TAS2R1: variants seen among roughly 807,000 people sequenced by gnomAD.
The protein encoded by TAS2R1 is taste 2 receptor member 1.
For synonymous variants in TAS2R1, 141 were observed against 134.2 expected (o/e 1.05, Z -0.35); for missense variants, 370 against 353.4 (o/e 1.05, Z -0.38).
chr5:9,646,296 A>T (rs761171012), intron 2 of TAS2R1, among the ~76,000 whole-genome samples: 7 of 152,200 alleles, frequency 4.6e-5, no homozygotes, highest in Non-Finnish European at 5.9e-5. Flanking sequence ...GCTATAGAAG[A>T]GTTCTCAAAG....
the TAS2R1 span, among the ~76,000 whole-genome samples, chr5:9,734,532 T>C: frequency 1.3e-5 from 2 of 152,016 alleles, no homozygotes; most frequent in Non-Finnish European, 2.9e-5. Context: ...TGTGAGAAAA[T>C]AGATCAGAGA....
chr5:9,744,107 T>C, the TAS2R1 span, among the ~76,000 whole-genome samples: 4 of 152,142 alleles, frequency 2.6e-5, no homozygotes, highest in Non-Finnish European at 5.9e-5. Flanking sequence ...GGGTGATCTC[T>C]TCCTTTCCCC....
the TAS2R1 span, among the ~76,000 whole-genome samples, chr5:9,728,290 G>A: frequency 6.6e-6 from 1 of 152,118 alleles, no homozygotes; most frequent in Non-Finnish European, 1.5e-5. Context: ...CACAAATGAA[G>A]ATGCAATATA....
At chr5:9,679,417 A>C (rs535136342) in intron 1 of TAS2R1, among the ~76,000 whole-genome samples, 38 of 152,330 alleles carry the variant, frequency 2.5e-4, no homozygotes, top group African/African-American at 8.9e-4. Flanking sequence ...CAGAGAATCT[A>C]ACTGTACTAT....
the TAS2R1 span, among the ~76,000 whole-genome samples, chr5:9,798,665 CA>C: frequency 3.9e-5 from 6 of 152,294 alleles, 1 homozygote; most frequent in African/African-American, 1.4e-4. Context: ...CACATTTCAA[CA>C]GGAAGAGCAG....
At chr5:9,837,342 A>T in the TAS2R1 span, among the ~76,000 whole-genome samples, 4 of 152,208 alleles carry the variant, frequency 2.6e-5, no homozygotes, top group Admixed American at 1.3e-4. Flanking sequence ...CAGAGGCCAC[A>T]TGGCAGCCCT....
the TAS2R1 span, among the ~76,000 whole-genome samples, chr5:9,807,120 T>C: frequency 3.3e-4 from 50 of 151,918 alleles, no homozygotes; most frequent in African/African-American, 9.2e-4. Flanking sequence ...CAAAAGAAGA[T>C]ATACAAATGG....
the TAS2R1 span, among the ~76,000 whole-genome samples, chr5:9,827,978 CATTTT>C: frequency 6.6e-6 from 1 of 152,132 alleles, no homozygotes; most frequent in Non-Finnish European, 1.5e-5. Context: ...GCTAAATGTT[CATTTT>C]ATTTCTAGAA....
intron 1 of TAS2R1, among the ~76,000 whole-genome samples, chr5:9,702,109 T>C (rs540859143): frequency 3.1e-4 from 47 of 152,224 alleles, no homozygotes; most frequent in Non-Finnish European, 4.9e-4. Flanking sequence ...TTAAAGGCTC[T>C]ATTCTTCTTG....
At chr5:9,647,914 C>A (rs1740225246) in intron 2 of TAS2R1, among the ~76,000 whole-genome samples, 1 of 152,032 alleles carries the variant, frequency 6.6e-6, no homozygotes, top group African/African-American at 2.4e-5. Flanking sequence ...TGTTAACAAG[C>A]AATTCATGGT....
intron 1 of TAS2R1, among the ~76,000 whole-genome samples, chr5:9,682,080 A>G (rs1741005189): frequency 6.6e-6 from 1 of 152,198 alleles, no homozygotes; most frequent in Non-Finnish European, 1.5e-5. Context: ...CATTCAGGAT[A>G]ACCAAAATGA....
At chr5:9,697,034 G>A (rs1741375246) in intron 1 of TAS2R1, among the ~76,000 whole-genome samples, 1 of 151,794 alleles carries the variant, frequency 6.6e-6, no homozygotes, top group African/African-American at 2.4e-5. Flanking sequence ...AAAAAAGAAG[G>A]AAGAAATTCA....
At chr5:9,674,585 C>G (rs1457757307) in intron 1 of TAS2R1, among the ~76,000 whole-genome samples, 1 of 152,082 alleles carries the variant, frequency 6.6e-6, no homozygotes, top group Non-Finnish European at 1.5e-5. Flanking sequence ...GTATACCTCA[C>G]AAAGATGTAT....
the TAS2R1 span, among the ~76,000 whole-genome samples, chr5:9,729,212 C>T: frequency 1.7e-3 from 259 of 152,278 alleles, 1 homozygote; most frequent in Non-Finnish European, 2.9e-4. Context: ...TTGGGGACTG[C>T]AAAAGGAGGG....
chr5:9,877,727 G>A, the TAS2R1 span, among the ~76,000 whole-genome samples: 1 of 152,340 alleles, frequency 6.6e-6, no homozygotes, highest in African/African-American at 2.4e-5. Flanking sequence ...AAATTAAACA[G>A]CTGGAAGCAT....
At chr5:9,663,698 C>T (rs1481586194) in intron 1 of TAS2R1, among the ~76,000 whole-genome samples, 1 of 152,156 alleles carries the variant, frequency 6.6e-6, no homozygotes, top group African/African-American at 2.4e-5. Flanking sequence ...TTGAATGTGA[C>T]ACTCAGAAAA....
the TAS2R1 span, among the ~76,000 whole-genome samples, chr5:9,782,030 C>G: frequency 1.3e-5 from 2 of 152,206 alleles, no homozygotes; most frequent in Non-Finnish European, 2.9e-5. Flanking sequence ...CTGGCTCAAG[C>G]GGGTCCTCAA....
At chr5:9,815,884 T>C in the TAS2R1 span, among the ~76,000 whole-genome samples, 4 of 152,314 alleles carry the variant, frequency 2.6e-5, no homozygotes, top group East Asian at 5.8e-4. Context: ...ATGGCAAGAA[T>C]GAGAAGTGGT....
At chr5:9,855,244 T>C in the TAS2R1 span, among the ~76,000 whole-genome samples, 2 of 152,340 alleles carry the variant, frequency 1.3e-5, no homozygotes, top group East Asian at 1.9e-4. Context: ...TCCAGTTTAG[T>C]CCTGCCTGAC....
Sources: allele counts gnomAD v4.1 joint callset (sites outside exome capture counted in the v4.1 genomes callset), GRCh38; gene constraint gnomAD v4.1.1; transcripts MANE v1.5; gene names NCBI Gene and HGNC (gene_info 2026-07-23, HGNC 2026-07-21).